MAP4: variants seen among roughly 807,000 people sequenced by gnomAD.
MAP4 encodes the protein microtubule associated protein 4.
A neutral mutation model predicts 170.2 loss-of-function variants in MAP4; 76 were observed. The observed-to-expected ratio is 0.45, with a 90% CI of 0.37 to 0.54. The LOEUF (loss-of-function observed/expected upper bound fraction) is 0.54. Ranked by LOEUF, MAP4 falls within the 20% of genes least tolerant of loss-of-function variation. MAP4 has a pLI of 0.00. For synonymous variants in MAP4, 909 were observed against 994.5 expected (o/e 0.91, Z 1.62); for missense variants, 2,506 against 2,748.0 (o/e 0.91, Z 1.97).
chr3:47,886,661 T>C (rs998717254), intron 10 of MAP4, among the ~76,000 whole-genome samples: 2 of 152,220 alleles, frequency 1.3e-5, no homozygotes, highest in Non-Finnish European at 2.9e-5. Context: ...AAAAGCAATG[T>C]CTGATGTGGA....
At chr3:47,988,074 G>C (rs2100089894) in intron 2 of MAP4, among the ~76,000 whole-genome samples, 1 of 151,946 alleles carries the variant, frequency 6.6e-6, no homozygotes, top group Non-Finnish European at 1.5e-5. Flanking sequence ...CACGCCTGTA[G>C]TCCCAGCTAC....
At chr3:48,019,868 C>T (rs1032458007), upstream of MAP4, among the ~76,000 whole-genome samples, 2 of 152,154 alleles carry the variant, frequency 1.3e-5, no homozygotes, top group Admixed American at 1.3e-4. Flanking sequence ...CAGAGTGAGG[C>T]CCTGTCTTGA....
At chr3:48,049,210 T>C (rs534065201) in intron 1 of MAP4, among the ~76,000 whole-genome samples, 1 of 152,378 alleles carries the variant, frequency 6.6e-6, no homozygotes, top group African/African-American at 2.4e-5. Flanking sequence ...TTTGCTGTTT[T>C]GAATAAGTCT....
intron 4 of MAP4, among the ~76,000 whole-genome samples, chr3:47,923,708 C>G (rs1406935806): frequency 6.7e-6 from 1 of 150,144 alleles, no homozygotes; most frequent in Non-Finnish European, 1.5e-5. Flanking sequence ...CCCAGCTACT[C>G]GGAAGGCTGA....
rs1052860854 is a variant in MAP4, at chr3:47,910,313, T to C, written c.4108A>G (p.Lys1370Glu). 10 of 1,567,804 alleles carry C rather than the reference T, an allele frequency of 6.4e-6. No homozygotes were observed. Among genetic ancestry groups the C allele is most frequent in the Non-Finnish European group, 8.6e-6 (10 of 1,161,604 alleles). ...TTCTCAGGAGAACTATTTTTAACCT[T>C]TTTACTTTTTCCATCATTACTCCTT... ...SKRSNDGKSK[K>E]VKNSSPEKHI... The change falls in exon 9 of 21, where the codon AAG (lysine) becomes GAG (glutamate). Residue 1370 changes from lysine to glutamate, a missense_variant. Physicochemically the swap from Lys to Glu is moderately conservative, Grantham distance 56. Coordinates refer to ENST00000683076, the MANE Select transcript of MAP4 (RefSeq NM_001385682.1).
At chr3:48,078,672 C>G (rs2100145084) in intron 1 of MAP4, among the ~76,000 whole-genome samples, 1 of 152,032 alleles carries the variant, frequency 6.6e-6, no homozygotes, top group African/African-American at 2.4e-5. Flanking sequence ...TTTCTCTGCT[C>G]CCAATCCTTC....
At chr3:47,912,629 C>T (rs993658868) in intron 8 of MAP4, among the ~76,000 whole-genome samples, 2 of 152,196 alleles carry the variant, frequency 1.3e-5, no homozygotes, top group Admixed American at 6.5e-5. Context: ...AAATATTTAA[C>T]AGATCATCAT....
intron 17 of MAP4, among the ~76,000 whole-genome samples, chr3:47,861,879 CA>C (rs1351848517): frequency 2.0e-5 from 3 of 150,688 alleles, no homozygotes; most frequent in Non-Finnish European, 4.4e-5. Context: ...CAAAACAAAA[CA>C]AAAAAAGCTG....
At chr3:47,929,380 T>G (rs536784318) in intron 3 of MAP4, among the ~76,000 whole-genome samples, 4 of 151,724 alleles carry the variant, frequency 2.6e-5, no homozygotes, top group Admixed American at 1.3e-4. Flanking sequence ...GACAACGTGG[T>G]ATTGGAACAG....
intron 2 of MAP4, among the ~76,000 whole-genome samples, chr3:47,990,876 G>A (rs978288192): frequency 6.6e-6 from 1 of 151,970 alleles, no homozygotes; most frequent in East Asian, 1.9e-4. Context: ...TGCAAAACAA[G>A]TAGTACACAT....
intron 17 of MAP4, among the ~76,000 whole-genome samples, chr3:47,858,947 T>A (rs936346414): frequency 5.9e-5 from 9 of 152,064 alleles, no homozygotes; most frequent in African/African-American, 2.2e-4. Flanking sequence ...GCTAACATGG[T>A]GAAACCCCGT....
At chr3:47,899,247 G>C (rs2100028747) in intron 10 of MAP4, among the ~76,000 whole-genome samples, 1 of 152,100 alleles carries the variant, frequency 6.6e-6, no homozygotes, top group Admixed American at 6.6e-5. Context: ...TTGTCTCTAG[G>C]TTCTTCCTCC....
intron 13 of MAP4, 32 bp downstream of exon 13, chr3:47,871,885 T>A: frequency 6.3e-7 from 1 of 1,579,262 alleles, no homozygotes; most frequent in South Asian, 1.1e-5. Context: ...TTCCCCTCCC[T>A]AGTTCCCATG....
chr3:47,931,122 C>T lies in MAP4; in HGVS notation c.293-2772G>A, dbSNP rs562105886. Among the ~76,000 whole-genome samples, 23 of 152,152 alleles carry T rather than the reference C, an allele frequency of 1.5e-4. No individual in the cohort carries two copies. In the South Asian group the frequency reaches 4.6e-3, roughly 30 times the overall value. On this transcript the variant is annotated intron_variant, in intron 3 of 20. Transcript: ENST00000683076. ...AGGCACAATGGTTCATGCCTGTAAT[C>T]CCAGTACTTCGGGAAGCTGAGGCAA...
At chr3:47,967,311 G>C (rs2100075685) in intron 3 of MAP4, among the ~76,000 whole-genome samples, 1 of 151,804 alleles carries the variant, frequency 6.6e-6, no homozygotes, top group Non-Finnish European at 1.5e-5. Flanking sequence ...CTCCAGCCTG[G>C]GCGACAGAGC....
chr3:48,029,701 C>T (rs1289425058), intron 1 of MAP4, among the ~76,000 whole-genome samples: 2 of 151,902 alleles, frequency 1.3e-5, no homozygotes, highest in African/African-American at 4.8e-5. Context: ...GTAATAAAAT[C>T]GTAGTAAAAA....
In MAP4 at chr3:48,032,458, G is replaced by A. The variant is rs575335179; in HGVS notation, c.-19-33579C>T. On this transcript the variant is annotated intron_variant, in intron 1 of 18. Transcript: ENST00000360240. ...CGGAGGTTGCAGTTAGCCCAAGATC[G>A]CACCACTACACTCCAGCCTGGGCAA... 2.0e-3 allele frequency among the ~76,000 whole-genome samples: 295 copies of A among 151,132 alleles called. 3 individuals are homozygous for A. Among genetic ancestry groups the A allele is most frequent in the Non-Finnish European group, 3.1e-3 (207 of 67,820 alleles).
chr3:47,998,579 A>AG, intron 2 of MAP4, 59 bp downstream of exon 2: 1 of 1,302,150 alleles, frequency 7.7e-7, no homozygotes, highest in Non-Finnish European at 1.1e-6. Flanking sequence ...ATTATACCAA[A>AG]GGCATAATCC....
intron 1 of MAP4, among the ~76,000 whole-genome samples, chr3:48,055,892 CG>C (rs1285348920): frequency 0.07 from 5,157 of 73,386 alleles, 448 homozygotes; most frequent in East Asian, 0.16. Context: ...TCTGCCCGGC[CG>C]AGACCCCGTC....
Sources: allele counts gnomAD v4.1 joint callset (sites outside exome capture counted in the v4.1 genomes callset), GRCh38; gene constraint gnomAD v4.1.1; transcripts MANE v1.5; gene names NCBI Gene and HGNC (gene_info 2026-07-23, HGNC 2026-07-21).